The following KIF5C variants were observed in gnomAD, a reference collection of about 807,000 sequenced individuals.
KIF5C encodes kinesin family member 5C.
A neutral mutation model predicts 125.2 loss-of-function variants in KIF5C; 18 were observed. The observed-to-expected ratio is 0.14, with a 90% CI of 0.10 to 0.21. The LOEUF (loss-of-function observed/expected upper bound fraction) is 0.21, where lower values mean the gene tolerates loss of function less well. Ranked by LOEUF, KIF5C falls within the 10% of genes least tolerant of loss-of-function variation. The pLI is 1.00. For missense variants in KIF5C, 780 were observed against 1,183.8 expected (o/e 0.66, Z 5.01); for synonymous variants, 405 against 434.0 (o/e 0.93, Z 0.83).
intron 1 of KIF5C, chr2:148,883,472 G>T (rs1681426080): frequency 6.6e-6 from 1 of 151,920 alleles, no homozygotes; most frequent in South Asian, 2.1e-4. Context: ...CTGCACTCCA[G>T]CCTGGGCGAA....
chr2:148,983,781 CT>C lies in KIF5C; in HGVS notation c.1716+19del, dbSNP rs1668105056. ...ATGTGAAAACTGTAAGCCAGCCCTT[CT>C]TTTATCCTCTCTACCTGCTCCTGTC... On this transcript the variant is annotated intron_variant, in intron 15 of 25. Coordinates refer to ENST00000435030, the MANE Select transcript of KIF5C (RefSeq NM_004522.3). 1 of 1,586,112 alleles carries C rather than the reference CT, an allele frequency of 6.3e-7. No homozygotes were observed. Among genetic ancestry groups the C allele is most frequent in the Non-Finnish European group, 8.6e-7 (1 of 1,164,408 alleles).
At chr2:148,901,171 A>G (rs748061404) in intron 1 of KIF5C, among the ~76,000 whole-genome samples, 9 of 152,212 alleles carry the variant, frequency 5.9e-5, no homozygotes, top group Admixed American at 1.3e-4. Context: ...ACATCATTGT[A>G]TGTAAATAAA....
chr2:148,973,204 C>G, intron 11 of KIF5C, 132 bp from the exon 12 acceptor site: 5 of 1,291,516 alleles, frequency 3.9e-6, no homozygotes, highest in Non-Finnish European at 4.1e-6. Context: ...AACACAAACT[C>G]TACCCACACT....
chr2:148,880,529 T>C (rs1681318750), intron 1 of KIF5C, among the ~76,000 whole-genome samples: 2 of 152,252 alleles, frequency 1.3e-5, no homozygotes, highest in African/African-American at 4.8e-5. Flanking sequence ...AGGAATGGGA[T>C]TGCTGGGTTG....
intron 3 of KIF5C, among the ~76,000 whole-genome samples, chr2:148,933,545 C>T (rs1682221779): frequency 6.6e-6 from 1 of 150,710 alleles, no homozygotes; most frequent in African/African-American, 2.4e-5. Flanking sequence ...TACACCCCCA[C>T]ATACATTGTA....
rs374615090 is a variant in KIF5C at position 149,010,355 on chromosome 2, C to T, written c.2767+4C>T. The T allele has an allele frequency of 1.5e-5, 23 of 1,552,964 alleles. No individual in the cohort carries two copies. The highest frequency in any genetic ancestry group is 1.8e-5 in the Non-Finnish European group (21 of 1,150,982). The stretch of plus-strand genomic sequence containing the variant: ...AGGGCCCATTCAGCCCAGATCGGTA[C>T]GTGCGTGCACAGTGGCGCCCGGGGT... On this transcript the variant is annotated splice_donor_region_variant and intron_variant, in intron 24 of 25. Transcript: ENST00000435030.
chr2:148,900,032 C>T (rs138006346), intron 1 of KIF5C, among the ~76,000 whole-genome samples: 109 of 152,310 alleles, frequency 7.2e-4, no homozygotes, highest in African/African-American at 2.2e-3. Flanking sequence ...GCCCCAGAGT[C>T]GGGCTGCTTG....
At chr2:148,921,155 C>T (rs1051030343) in intron 1 of KIF5C, among the ~76,000 whole-genome samples, 2 of 152,200 alleles carry the variant, frequency 1.3e-5, no homozygotes, top group Non-Finnish European at 2.9e-5. Flanking sequence ...CCTTATTAAG[C>T]ATACAGTGAT....
rs1682583094 is a variant in KIF5C at position 149,023,064 on chromosome 2, T to C, written c.*8-14T>C. On this transcript the variant is annotated splice_polypyrimidine_tract_variant and intron_variant, in intron 25 of 25. Transcript: ENST00000435030. ...TCTAATTCCTATGTTCTCTCTTTGG[T>C]TCTCTTTCAACAGATATGACTCCAC... 6.6e-6 allele frequency: 1 copy of C among 152,216 alleles called. No individual in the cohort carries two copies. Among genetic ancestry groups the C allele is most frequent in the African/African-American group, 2.4e-5 (1 of 41,456 alleles). 9.4% of individuals were successfully genotyped at this position (152,216 alleles called of 1,614,324 possible). A position where few individuals can be genotyped will look rare whatever the true frequency, so the allele number is the denominator to read the frequency against.
chr2:148,979,542 G>A (rs10211139), intron 13 of KIF5C, among the ~76,000 whole-genome samples: 3,454 of 152,208 alleles, frequency 0.023, 131 homozygotes, highest in African/African-American at 0.08. Context: ...CAAAGCACTG[G>A]GATTACAGGT....
intron 2 of KIF5C, among the ~76,000 whole-genome samples, chr2:148,923,269 C>T (rs533807969): frequency 8.5e-5 from 13 of 152,294 alleles, no homozygotes; most frequent in Admixed American, 2.0e-4. Context: ...TACATCTGTT[C>T]GTTTAATTCT....
At chr2:148,919,550 G>A (rs568550823) in intron 1 of KIF5C, among the ~76,000 whole-genome samples, 1 of 152,302 alleles carries the variant, frequency 6.6e-6, no homozygotes, top group Non-Finnish European at 1.5e-5. Context: ...CCTCCTTGGG[G>A]GCTACTGGGG....
intron 1 of KIF5C, among the ~76,000 whole-genome samples, chr2:148,902,506 G>A (rs549811625): frequency 1.2e-4 from 19 of 152,136 alleles, no homozygotes; most frequent in African/African-American, 3.9e-4. Flanking sequence ...TAGGAGAGTC[G>A]GGGTTTCACC....
At chr2:149,012,752 G>A (rs546097802) in intron 25 of KIF5C, among the ~76,000 whole-genome samples, 15 of 152,396 alleles carry the variant, frequency 9.8e-5, no homozygotes, top group African/African-American at 2.9e-4. Context: ...GCCCGCGGGC[G>A]GGCAGTGTGC....
Position 148,991,147 on chromosome 2 carries a change from G to A in KIF5C, c.1854G>A (p.Lys618=). The change falls in exon 16 of 26, where the codon AAG becomes AAA. Residue 618 remains lysine (K), a synonymous_variant. Coordinates refer to ENST00000435030, the MANE Select transcript of KIF5C (RefSeq NM_004522.3). The part of the protein sequence containing the change: ...LESAQMDSNR[K]MNASERELAA... Reference sequence around the variant, plus strand: ...GCGCCCAGATGGACTCCAACAGGAAGATGAATGCCAGCGAGCGGGAGCTGG... The same window carrying A: ...GCGCCCAGATGGACTCCAACAGGAAAATGAATGCCAGCGAGCGGGAGCTGG... 2 of 1,613,982 alleles carry A rather than the reference G, an allele frequency of 1.2e-6. No homozygotes were observed. Among genetic ancestry groups the A allele is most frequent in the Non-Finnish European group, 1.7e-6 (2 of 1,179,870 alleles).
chr2:148,969,379 T>C lies in KIF5C; in HGVS notation c.1118-3957T>C, dbSNP rs116173597. Among the ~76,000 whole-genome samples the C allele has an allele frequency of 5.0e-3, 754 of 151,254 alleles. 6 individuals carry two copies. Among genetic ancestry groups the C allele is most frequent in the African/African-American group, 0.017 (716 of 41,144 alleles). ...CCTTAAAGGTAATTACATCTGACGATAGTAAATGCCAGGATGCTTATTTAA... is the reference window on the plus strand; with the variant it reads ...CCTTAAAGGTAATTACATCTGACGACAGTAAATGCCAGGATGCTTATTTAA... On this transcript the variant is annotated intron_variant, in intron 11 of 25. Transcript: ENST00000435030.
At chr2:148,906,977 T>TTGA (rs1260273770) in intron 1 of KIF5C, among the ~76,000 whole-genome samples, 1 of 152,174 alleles carries the variant, frequency 6.6e-6, no homozygotes, top group Non-Finnish European at 1.5e-5. Flanking sequence ...GAAGGATCAC[T>TTGA]TGAGTCCAGA....
chr2:148,922,661 A>G (rs987093314), intron 2 of KIF5C, among the ~76,000 whole-genome samples: 1 of 152,206 alleles, frequency 6.6e-6, no homozygotes, highest in African/African-American at 2.4e-5. Flanking sequence ...TCTCTCAGCA[A>G]GAAGCCTTAA....
At chr2:148,942,446 T>C (rs1682429903) in intron 6 of KIF5C, among the ~76,000 whole-genome samples, 1 of 152,208 alleles carries the variant, frequency 6.6e-6, no homozygotes, top group Admixed American at 6.5e-5. Context: ...CTAGGAAAAT[T>C]TGACAGTTCT....
Sources: gnomAD v4.1 joint callset for allele counts (sites outside exome capture counted in the v4.1 genomes callset) on GRCh38, gnomAD v4.1.1 for gene constraint, MANE v1.5 for transcripts, NCBI Gene and HGNC (gene_info 2026-07-23, HGNC 2026-07-21) for gene names.